The following PDE4D variants were observed in gnomAD, a reference collection of about 807,000 sequenced individuals.
PDE4D encodes 3',5'-cyclic-AMP phosphodiesterase 4D.
In PDE4D, 24 loss-of-function variants were observed where a neutral mutation model predicts 87.4. That is an observed-to-expected ratio of 0.27 (90% CI 0.20 to 0.39). The LOEUF (loss-of-function observed/expected upper bound fraction) is 0.39, where lower values mean the gene tolerates loss of function less well. Ranked by LOEUF, PDE4D falls within the 10% of genes least tolerant of loss-of-function variation. The pLI, the probability that PDE4D is intolerant of heterozygous loss-of-function variation, is 1.00. For missense variants in PDE4D, 714 were observed against 1,041.0 expected (o/e 0.69, Z 4.32); for synonymous variants, 384 against 383.2 (o/e 1.00, Z -0.02).
chr5:59,705,684 T>C (rs1753283656), intron 1 of PDE4D, among the ~76,000 whole-genome samples: 1 of 152,156 alleles, frequency 6.6e-6, no homozygotes, highest in African/African-American at 2.4e-5. Flanking sequence ...TTACTAATAT[T>C]AATAGTTCCA....
At chr5:59,452,572 T>C (rs1014603485) in intron 1 of PDE4D, among the ~76,000 whole-genome samples, 6 of 152,204 alleles carry the variant, frequency 3.9e-5, no homozygotes, top group Admixed American at 3.3e-4. Flanking sequence ...CCTGAGGTGC[T>C]GCCTCAGGTA....
At chr5:60,405,762 T>C (rs1346167551) in intron 1 of PDE4D, among the ~76,000 whole-genome samples, 1 of 152,224 alleles carries the variant, frequency 6.6e-6, no homozygotes, top group African/African-American at 2.4e-5. Context: ...AATATGTTAA[T>C]CTCTAAAACA....
At chr5:59,106,460 A>G (rs546984554) in intron 5 of PDE4D, among the ~76,000 whole-genome samples, 1 of 152,302 alleles carries the variant, frequency 6.6e-6, no homozygotes, top group East Asian at 1.9e-4. Context: ...CATATTAGGT[A>G]GGAAAAAAAC....
intron 1 of PDE4D, among the ~76,000 whole-genome samples, chr5:59,762,451 T>C (rs575784808): frequency 4.6e-4 from 37 of 80,898 alleles, no homozygotes; most frequent in South Asian, 8.6e-4. Flanking sequence ...TGGGTACACA[T>C]ATGTGTATAT....
At chr5:59,837,314 T>A (rs1742272553) in intron 1 of PDE4D, among the ~76,000 whole-genome samples, 1 of 152,016 alleles carries the variant, frequency 6.6e-6, no homozygotes, top group South Asian at 2.1e-4. Flanking sequence ...ACTCTCTGCC[T>A]CCTCTGGAAC....
chr5:59,311,264 T>C (rs913656449), intron 1 of PDE4D, among the ~76,000 whole-genome samples: 13 of 151,936 alleles, frequency 8.6e-5, no homozygotes, highest in South Asian at 2.1e-4. Flanking sequence ...TGGTGGCTCA[T>C]GCTTATAATT....
At chr5:59,943,266 A>G (rs951089463) in intron 3 of PDE4D, among the ~76,000 whole-genome samples, 25 of 151,994 alleles carry the variant, frequency 1.6e-4, no homozygotes, top group Admixed American at 1.1e-3. Context: ...TCCCAGGTGA[A>G]GAAGGCAGTG....
chr5:59,760,990 G>A (rs13164391), intron 1 of PDE4D, among the ~76,000 whole-genome samples: 25,640 of 152,136 alleles, frequency 0.17, 2,549 homozygotes, highest in Middle Eastern at 0.32. Context: ...TCTGAGAAAT[G>A]TGTCATTAGG....
chr5:60,273,253 A>G (rs932705902), intron 1 of PDE4D, among the ~76,000 whole-genome samples: 4 of 152,144 alleles, frequency 2.6e-5, no homozygotes, highest in Non-Finnish European at 5.9e-5. Context: ...GTCTTAGCAA[A>G]TAAAAAAAGA....
intron 5 of PDE4D, among the ~76,000 whole-genome samples, chr5:59,114,817 C>A (rs576533317): frequency 6.7e-5 from 10 of 150,316 alleles, no homozygotes; most frequent in Non-Finnish European, 1.3e-4. Context: ...AGCAGAGGAA[C>A]TACAGCAGTA....
At chr5:60,289,132 T>C (rs1752671270) in intron 1 of PDE4D, among the ~76,000 whole-genome samples, 1 of 152,174 alleles carries the variant, frequency 6.6e-6, no homozygotes, top group Non-Finnish European at 1.5e-5. Flanking sequence ...AATCTGAGAA[T>C]CAGTCATCTT....
intron 1 of PDE4D, chr5:59,587,537 G>T (rs1282232878): frequency 1.0e-6 from 1 of 985,268 alleles, no homozygotes; most frequent in African/African-American, 1.7e-5. Context: ...TGGAATCCTC[G>T]CAGCCGCCTT....
At chr5:59,044,001 T>G (rs1407523950) in intron 5 of PDE4D, among the ~76,000 whole-genome samples, 1 of 152,192 alleles carries the variant, frequency 6.6e-6, no homozygotes, top group Non-Finnish European at 1.5e-5. Context: ...TTGTGAATAG[T>G]GCCACAATAA....
At chr5:59,709,247 TA>T in intron 1 of PDE4D, among the ~76,000 whole-genome samples, 2 of 152,254 alleles carry the variant, frequency 1.3e-5, no homozygotes, top group Admixed American at 1.3e-4. Flanking sequence ...CAGCTAAGCA[TA>T]AAATTCCTAA....
At chr5:60,141,524 A>G (rs1780534601) in intron 2 of PDE4D, among the ~76,000 whole-genome samples, 1 of 152,184 alleles carries the variant, frequency 6.6e-6, no homozygotes. Context: ...TTGCAGCCAC[A>G]GCAAGCTTTG....
chr5:60,424,665 G>A (rs975291696), intron 1 of PDE4D, among the ~76,000 whole-genome samples: 1 of 152,146 alleles, frequency 6.6e-6, no homozygotes, highest in African/African-American at 2.4e-5. Flanking sequence ...GCAACTTAGT[G>A]TTGGAAGTTC....
At chr5:59,715,736 C>T (rs538693897) in intron 1 of PDE4D, among the ~76,000 whole-genome samples, 52 of 152,304 alleles carry the variant, frequency 3.4e-4, no homozygotes, top group African/African-American at 6.0e-4. Flanking sequence ...AGGATGGAAA[C>T]GGATGGTAAC....
intron 3 of PDE4D, among the ~76,000 whole-genome samples, chr5:59,981,437 G>A (rs1402772081): frequency 6.6e-6 from 1 of 152,074 alleles, no homozygotes; most frequent in African/African-American, 2.4e-5. Flanking sequence ...AAAACCAAAA[G>A]AATCCAATTT....
intron 1 of PDE4D, among the ~76,000 whole-genome samples, chr5:60,356,555 A>T (rs1235237104): frequency 6.6e-6 from 1 of 152,178 alleles, no homozygotes; most frequent in African/African-American, 2.4e-5. Context: ...ACCTATGATT[A>T]AAAATGTCTG....
Sources: allele counts gnomAD v4.1 joint callset (sites outside exome capture counted in the v4.1 genomes callset), GRCh38; gene constraint gnomAD v4.1.1; transcripts MANE v1.5; gene names NCBI Gene and HGNC (gene_info 2026-07-23, HGNC 2026-07-21).